STK16: variants seen among roughly 807,000 people sequenced by gnomAD.
STK16 encodes the protein serine/threonine kinase 16.
A neutral mutation model predicts 37.8 loss-of-function variants in STK16; 28 were observed. The ratio of observed to expected loss-of-function variants is 0.74; its 90% CI spans 0.55 to 1.02. The LOEUF (loss-of-function observed/expected upper bound fraction) is 1.02, where lower values mean the gene tolerates loss of function less well. Ranked by LOEUF, STK16 falls within the 50% of genes least tolerant of loss-of-function variation. The pLI, the probability that STK16 is intolerant of heterozygous loss-of-function variation, is 0.00. For synonymous variants in STK16, 134 were observed against 155.0 expected, an observed-to-expected ratio of 0.86 and a Z score of 1.01; for missense variants, 349 against 390.6, an observed-to-expected ratio of 0.89 and a Z score of 0.90.
At position 219,246,719 on chromosome 2, in the gene STK16, G is replaced by A. The variant is rs548466076; in HGVS notation, c.149G>A (p.Arg50Gln). ...LHDGHFYALK[R>Q]ILCHEQQDRE... ...GATGGACACTTCTACGCCCTGAAGC[G>A]AATCCTGTGTCACGAGCAGCAGGAC... The change falls in exon 3 of 8, where the codon CGA becomes CAA. Residue 50 changes from arginine to glutamine, a missense_variant. By Grantham distance (43) the Arg-to-Gln change is conservative. Transcript: ENST00000396738. This position sits in a 1 kb window ranked among gnomAD's most constrained non-coding sequence, Gnocchi z 4.5. 31 of 1,614,222 alleles carry A rather than the reference G, an allele frequency of 1.9e-5. No individual in the cohort carries two copies. The East Asian group carries it at 4.7e-4, about 24-fold the overall frequency.
In STK16 at chr2:219,250,010, C is replaced by G; in HGVS notation, c.*1451C>G. On this transcript the variant is annotated 3_prime_UTR_variant, in exon 8 of 8. Coordinates refer to ENST00000396738, the MANE Select transcript of STK16 (RefSeq NM_001330213.2). The surrounding 1 kb of genome is among the most constrained non-coding windows in gnomAD (Gnocchi z 8.4). ...CAGTCTAACTTTCAAAGACAGAAAC[C>G]ACTGGATTATACTCCTACTTGGAAA... is the stretch of plus-strand genomic sequence containing the variant. 1 of 235,184 alleles carries G rather than the reference C, an allele frequency of 4.3e-6. No individual in the cohort carries two copies. Among genetic ancestry groups the G allele is most frequent in the Non-Finnish European group, 8.4e-6 (1 of 118,866 alleles). 14.6% of individuals were successfully genotyped at this position (235,184 alleles called of 1,614,324 possible). A position where few individuals can be genotyped will look rare whatever the true frequency, so the allele number is the denominator to read the frequency against.
Position 219,248,633 on chromosome 2 carries a change from C to T in STK16, c.*74C>T. 2 of 1,528,912 alleles carry T rather than the reference C, an allele frequency of 1.3e-6. No individual in the cohort carries two copies. The highest frequency in any genetic ancestry group is 2.5e-5 in the South Asian group (2 of 80,328). The allele number at this position is 1,528,912 out of a possible 1,614,324, so 94.7% of individuals were successfully genotyped here. A position where few individuals can be genotyped will look rare whatever the true frequency, so the allele number is the denominator to read the frequency against. Reference sequence around the variant, plus strand: ...CCCATCCCTCATTGGAATCACCACCCATTCCATCCAGGACTTCTCTTACAC... The same window carrying T: ...CCCATCCCTCATTGGAATCACCACCTATTCCATCCAGGACTTCTCTTACAC... On this transcript the variant is annotated 3_prime_UTR_variant, in exon 8 of 8. Transcript: ENST00000396738.
In STK16 at chr2:219,246,904, G is replaced by C; in HGVS notation, c.306+28G>C. 6.3e-7 allele frequency: 1 copy of C among 1,585,694 alleles called. No individual in the cohort carries two copies. The highest frequency in any genetic ancestry group is 8.6e-7 in the Non-Finnish European group (1 of 1,161,670). ...CAGAAAGACTCCTGGTTATGGAGGG[G>C]GTTGCAGCAGAGCCACCTACTCAAG... On this transcript the variant is annotated intron_variant, in intron 3 of 7. Transcript: ENST00000396738. This position sits in a 1 kb window ranked among gnomAD's most constrained non-coding sequence, Gnocchi z 4.5.
Position 219,246,456 on chromosome 2 carries a change from G to T in STK16, c.87-201G>T, listed in dbSNP as rs1276905858. ...TGTCAAGTGCAGAGGTCTCTATTAC[G>T]ACCATAGGACCTCAAAGATTTCTAT... On this transcript the variant is annotated intron_variant, in intron 2 of 7. Coordinates refer to ENST00000396738, the MANE Select transcript of STK16 (RefSeq NM_001330213.2). This position sits in a 1 kb window ranked among gnomAD's most constrained non-coding sequence, Gnocchi z 4.5. 3 of 639,042 alleles carry T rather than the reference G, an allele frequency of 4.7e-6. No homozygotes were observed. The highest frequency in any genetic ancestry group is 3.6e-5 in the South Asian group (2 of 54,914). The allele number at this position is 639,042 out of a possible 1,614,324, so 39.6% of individuals were successfully genotyped here.
At position 219,248,310 on chromosome 2, in the gene STK16, C is replaced by T. The variant is rs759587355; in HGVS notation, c.775C>T (p.Pro259Ser). The change falls in exon 7 of 8, where the codon CCC becomes TCC. Residue 259 changes from proline to serine, a missense_variant. By Grantham distance (74) the Pro-to-Ser change is moderately conservative. Transcript: ENST00000396738. ...VQNQLSIPQS[P>S]RHSSALRQLL... is the part of the protein sequence containing the mutation. ...GAACCAACTCAGCATCCCACAAAGC[C>T]CCAGGTGAGTGAGCAACGAATAGGG... The T allele has an allele frequency of 1.2e-5, 20 of 1,613,934 alleles. No individual in the cohort carries two copies. The highest frequency in any genetic ancestry group is 1.5e-5 in the Non-Finnish European group (18 of 1,180,004).
In STK16 at chr2:219,249,590, T is replaced by G. The variant is rs1438525079; in HGVS notation, c.*1031T>G. ...CCCGAACCATGTCTACCCCACAGTA[T>G]GACATCAGCATGGGGCCTGGGGCTC... On this transcript the variant is annotated 3_prime_UTR_variant, in exon 8 of 8. Coordinates refer to ENST00000396738, the MANE Select transcript of STK16 (RefSeq NM_001330213.2). The G allele has an allele frequency of 3.9e-5, 6 of 152,318 alleles. No homozygotes were observed. 9.4% of individuals were successfully genotyped at this position (152,318 alleles called of 1,614,324 possible).
intron 3 of STK16, 56 bp from the exon 4 acceptor site, chr2:219,247,057 C>T: frequency 6.2e-7 from 1 of 1,610,496 alleles, no homozygotes. Context: ...AGGGATCAGG[C>T]CTAAGGAGCA....
rs1438080835 is a variant in STK16 at position 219,245,911 on chromosome 2, C to T, written c.-89C>T. The T allele has an allele frequency of 2.9e-6, 3 of 1,031,740 alleles. No homozygotes were observed. The highest frequency in any genetic ancestry group is 2.9e-6 in the Non-Finnish European group (2 of 679,004). The allele number at this position is 1,031,740 out of a possible 1,614,324, so 63.9% of individuals were successfully genotyped here. A position where few individuals can be genotyped will look rare whatever the true frequency, so the allele number is the denominator to read the frequency against. ...TTCTTTCCAGCATGATCCGCTGGGCCCCCAGCGCATCTCCTGGAAGAGCCC... is the reference window on the plus strand; with the variant it reads ...TTCTTTCCAGCATGATCCGCTGGGCTCCCAGCGCATCTCCTGGAAGAGCCC... On this transcript the variant is annotated 5_prime_UTR_variant, in exon 2 of 8. Transcript: ENST00000396738.
At position 219,246,941 on chromosome 2, in the gene STK16, C is replaced by G; in HGVS notation, c.306+65C>G. The G allele has an allele frequency of 6.5e-7, 1 of 1,538,912 alleles. No individual in the cohort carries two copies. Among genetic ancestry groups the G allele is most frequent in the Non-Finnish European group, 8.8e-7 (1 of 1,131,348 alleles). On this transcript the variant is annotated intron_variant, in intron 3 of 7. Coordinates refer to ENST00000396738, the MANE Select transcript of STK16 (RefSeq NM_001330213.2). The surrounding 1 kb of genome is among the most constrained non-coding windows in gnomAD (Gnocchi z 4.5). Reference sequence around the variant, plus strand: ...GCCACCTACTCAAGGGCTGTGTGAGCAGTCCAGCATGTTAGGAAGCAGGGA... The same window carrying G: ...GCCACCTACTCAAGGGCTGTGTGAGGAGTCCAGCATGTTAGGAAGCAGGGA...
rs922236089 is a variant in STK16 at position 219,246,455 on chromosome 2, C to G, written c.87-202C>G. On this transcript the variant is annotated intron_variant, in intron 2 of 7. Transcript: ENST00000396738. The surrounding 1 kb of genome is among the most constrained non-coding windows in gnomAD (Gnocchi z 4.5). Reference sequence around the variant, plus strand: ...CTGTCAAGTGCAGAGGTCTCTATTACGACCATAGGACCTCAAAGATTTCTA... The same window carrying G: ...CTGTCAAGTGCAGAGGTCTCTATTAGGACCATAGGACCTCAAAGATTTCTA... 2 of 638,086 alleles carry G rather than the reference C, an allele frequency of 3.1e-6. No individual in the cohort carries two copies. The highest frequency in any genetic ancestry group is 1.8e-5 in the African/African-American group (1 of 54,618). 39.5% of individuals were successfully genotyped at this position (638,086 alleles called of 1,614,324 possible).
In STK16 at chr2:219,245,551, C is replaced by T. The variant is rs1347769464; in HGVS notation, c.-350C>T. 1.3e-5 allele frequency: 2 copies of T among 155,188 alleles called. No homozygotes were observed. Among genetic ancestry groups the T allele is most frequent in the Admixed American group, 6.5e-5 (1 of 15,390 alleles). The allele number at this position is 155,188 out of a possible 1,614,324, so 9.6% of individuals were successfully genotyped here. A position where few individuals can be genotyped will look rare whatever the true frequency, so the allele number is the denominator to read the frequency against. ...AGTCCGGCAGTGCAGATGGCCCATC[C>T]CGGGCTCTGGGCTCCTAGACCGGGG... is the stretch of plus-strand genomic sequence containing the variant. On this transcript the variant is annotated 5_prime_UTR_variant, in exon 1 of 8. Transcript: ENST00000396738.
In STK16 at chr2:219,248,467, G is replaced by A; in HGVS notation, c.826G>A (p.Asp276Asn). 6.2e-7 allele frequency: 1 copy of A among 1,614,156 alleles called. No homozygotes were observed. The highest frequency in any genetic ancestry group is 1.1e-5 in the South Asian group (1 of 91,082). The stretch of plus-strand genomic sequence containing the variant: ...GCTCCTGAACTCGATGATGACCGTG[G>A]ACCCGCATCAGCGTCCTCACATTCC... The part of the protein sequence containing the change: ...RQLLNSMMTV[D>N]PHQRPHIPLL... Residue 276 changes from aspartate (D) to asparagine (N), a missense_variant, in exon 8 of 8, where the codon GAC (aspartate) becomes AAC (asparagine). Asp to Asn is a conservative substitution (Grantham distance 23, BLOSUM62 1). Transcript: ENST00000396738.
At position 219,250,162 on chromosome 2, in the gene STK16, C is replaced by G. The variant is rs1951620961; in HGVS notation, c.*1603C>G. On this transcript the variant is annotated 3_prime_UTR_variant, in exon 8 of 8. Coordinates refer to ENST00000396738, the MANE Select transcript of STK16 (RefSeq NM_001330213.2). The surrounding 1 kb of genome is among the most constrained non-coding windows in gnomAD (Gnocchi z 8.4). Reference sequence around the variant, plus strand: ...TTATGCTTCCTGGGCCTGGCAAGAACCCCTTTGCAGGTCTCACCTTCAGCG... The same window carrying G: ...TTATGCTTCCTGGGCCTGGCAAGAAGCCCTTTGCAGGTCTCACCTTCAGCG... 3.6e-6 allele frequency: 3 copies of G among 828,954 alleles called. No homozygotes were observed. Among genetic ancestry groups the G allele is most frequent in the Non-Finnish European group, 3.8e-6 (2 of 519,782 alleles). The allele number at this position is 828,954 out of a possible 1,614,324, so 51.3% of individuals were successfully genotyped here.
In STK16 at chr2:219,247,442, T is replaced by A. The variant is rs1171904706; in HGVS notation, c.468T>A (p.Leu156=). Residue 156 remains leucine, a synonymous_variant, in exon 5 of 8, where the codon CTT becomes CTA. Coordinates refer to ENST00000396738, the MANE Select transcript of STK16 (RefSeq NM_001330213.2). ...HRDLKPTNIL[L]GDEGQPVLMD... is the part of the protein sequence containing the mutation. ...ACTTGAAGCCCACCAATATATTGCT[T>A]GGAGATGAGGGGCAGCCAGTTTTAA... is the stretch of plus-strand genomic sequence containing the variant. 15 of 1,614,162 alleles carry A rather than the reference T, an allele frequency of 9.3e-6. No individual in the cohort carries two copies. Among genetic ancestry groups the A allele is most frequent in the East Asian group, 4.5e-5 (2 of 44,878 alleles).
rs1170663081 is a variant in STK16 at position 219,246,945 on chromosome 2, C to G, written c.306+69C>G. 6 of 1,533,174 alleles carry G rather than the reference C, an allele frequency of 3.9e-6. No homozygotes were observed. Among genetic ancestry groups the G allele is most frequent in the African/African-American group, 1.4e-5 (1 of 72,952 alleles). 95.0% of individuals were successfully genotyped at this position (1,533,174 alleles called of 1,614,324 possible). A position where few individuals can be genotyped will look rare whatever the true frequency, so the allele number is the denominator to read the frequency against. On this transcript the variant is annotated intron_variant, in intron 3 of 7. Coordinates refer to ENST00000396738, the MANE Select transcript of STK16 (RefSeq NM_001330213.2). This position sits in a 1 kb window ranked among gnomAD's most constrained non-coding sequence, Gnocchi z 4.5. The stretch of plus-strand genomic sequence containing the variant: ...CCTACTCAAGGGCTGTGTGAGCAGT[C>G]CAGCATGTTAGGAAGCAGGGACCAT...
At position 219,247,227 on chromosome 2, in the gene STK16, G is replaced by A. The variant is rs1951555808; in HGVS notation, c.421G>A (p.Ala141Thr). 1 of 1,614,206 alleles carries A rather than the reference G, an allele frequency of 6.2e-7. No individual in the cohort carries two copies. Among genetic ancestry groups the A allele is most frequent in the Non-Finnish European group, 8.5e-7 (1 of 1,180,038 alleles). Reference sequence around the variant, plus strand: ...CTGCAGAGGCCTTGAGGCCATTCATGCCAAGGGTTATGCCCACAGGTCAGT... The same window carrying A: ...CTGCAGAGGCCTTGAGGCCATTCATACCAAGGGTTATGCCCACAGGTCAGT... Reference protein sequence around the residue: ...GICRGLEAIHAKGYAHRDLKP... With the variant: ...GICRGLEAIHTKGYAHRDLKP... The change falls in exon 4 of 8, where the codon GCC (alanine) becomes ACC (threonine). Residue 141 changes from alanine (A) to threonine (T), a missense_variant. Ala to Thr is a moderately conservative substitution (Grantham distance 58, BLOSUM62 0). Transcript: ENST00000396738.
At position 219,248,187 on chromosome 2, in the gene STK16, G is replaced by T. The variant is rs751689782; in HGVS notation, c.658-6G>T. ...CCCTTCTAGGGACTAATCAAGTTAT[G>T]CTCAGTCCCTAGGCTGCGTGCTATA... On this transcript the variant is annotated splice_region_variant and splice_polypyrimidine_tract_variant and intron_variant, in intron 6 of 7. Coordinates refer to ENST00000396738, the MANE Select transcript of STK16 (RefSeq NM_001330213.2). 6.2e-7 allele frequency: 1 copy of T among 1,614,070 alleles called. No homozygotes were observed. The highest frequency in any genetic ancestry group is 8.5e-7 in the Non-Finnish European group (1 of 1,179,974).
rs1951593141 is a variant in STK16, at chr2:219,248,724, A to C, written c.*165A>C. Reference sequence around the variant, plus strand: ...TCTTTTCTTCTGCTTTCTTCCCTCCAAGAGCAAAACCTGGGCAAGGGGACT... The same window carrying C: ...TCTTTTCTTCTGCTTTCTTCCCTCCCAGAGCAAAACCTGGGCAAGGGGACT... On this transcript the variant is annotated 3_prime_UTR_variant, in exon 8 of 8. Transcript: ENST00000396738. 1.5e-6 allele frequency: 1 copy of C among 689,328 alleles called. No homozygotes were observed. 42.7% of individuals were successfully genotyped at this position (689,328 alleles called of 1,614,324 possible).
rs775330296 is a variant in STK16 at position 219,247,470 on chromosome 2, G to A, written c.496G>A (p.Asp166Asn). The change falls in exon 5 of 8, where the codon GAC becomes AAC. Residue 166 changes from aspartate (D) to asparagine (N), a missense_variant. By Grantham distance (23) the Asp-to-Asn change is conservative. Transcript: ENST00000396738. ...AGATGAGGGGCAGCCAGTTTTAATGGACTTGGGTTCCATGAATCAAGCATG... is the reference window on the plus strand; with the variant it reads ...AGATGAGGGGCAGCCAGTTTTAATGAACTTGGGTTCCATGAATCAAGCATG... Reference protein sequence around the residue: ...LGDEGQPVLMDLGSMNQACIH... With the variant: ...LGDEGQPVLMNLGSMNQACIH... 4.3e-6 allele frequency: 7 copies of A among 1,614,226 alleles called. No homozygotes were observed. The highest frequency in any genetic ancestry group is 5.9e-6 in the Non-Finnish European group (7 of 1,180,044).
Sources: gnomAD v4.1 joint callset for allele counts on GRCh38, gnomAD v4.1.1 for gene constraint, Gnocchi (gnomAD v3.1) non-coding constraint, MANE v1.5 for transcripts, NCBI Gene and HGNC (gene_info 2026-07-23, HGNC 2026-07-21) for gene names.